Variants in TRANK1 observed in about 807,000 individuals in gnomAD.
TRANK1 encodes the protein tetratricopeptide repeat and ankyrin repeat containing 1, also known as TPR and ankyrin repeat-containing protein 1.
TRANK1 carries 198 observed loss-of-function variants against 266.0 expected under a neutral mutation model. The observed-to-expected ratio is 0.74, with a 90% CI of 0.66 to 0.84. The LOEUF (loss-of-function observed/expected upper bound fraction) is 0.84, where lower values mean the gene tolerates loss of function less well. TRANK1 is among the 40% of genes least tolerant of loss of function. The pLI is 0.00. For synonymous variants in TRANK1, 1,396 were observed against 1,384.1 expected (o/e 1.01, Z -0.19); for missense variants, 3,326 against 3,634.6 (o/e 0.92, Z 2.18).
chr3:36,864,463 C>T lies in TRANK1; in HGVS notation c.1096G>A (p.Gly366Arg). Residue 366 changes from glycine to arginine, a missense_variant, in exon 10 of 24, where the codon GGA becomes AGA. Gly to Arg is a moderately radical substitution (Grantham distance 125). Transcript: ENST00000645898. ...AAAATGTCGTTTTCACTAGTGGGTC[C>T]ATCACCATTGCTGAATCCTACAAAA... ...KDLSGFSNGD[G>R]PTSENDIFRK... The T allele has an allele frequency of 6.5e-7, 1 of 1,533,894 alleles. No individual in the cohort carries two copies. The highest frequency in any genetic ancestry group is 1.2e-5 in the South Asian group (1 of 83,152).
chr3:36,924,285 T>C (rs921173933), intron 1 of TRANK1, among the ~76,000 whole-genome samples: 36 of 152,232 alleles, frequency 2.4e-4, no homozygotes, highest in Admixed American at 2.3e-3. Flanking sequence ...GAACACCCCT[T>C]TGGAAAGTGC....
chr3:36,856,512 C>T lies in TRANK1; in HGVS notation c.3210G>A (p.Glu1070=). 6.2e-7 allele frequency: 1 copy of T among 1,614,010 alleles called. No homozygotes were observed. The highest frequency in any genetic ancestry group is 8.5e-7 in the Non-Finnish European group (1 of 1,179,892). ...AVIDLNPRPL[E]PIILIGRSGT... Reference sequence around the variant, plus strand: ...CACTTCGCCCAATAAGGATGATGGGCTCCAGTGGCCTGGGATTGAGGTCGA... The same window carrying T: ...CACTTCGCCCAATAAGGATGATGGGTTCCAGTGGCCTGGGATTGAGGTCGA... The change falls in exon 13 of 24, where the codon GAG becomes GAA. Residue 1070 remains glutamate (E), a synonymous_variant. Coordinates refer to ENST00000645898, the MANE Select transcript of TRANK1 (RefSeq NM_001329998.2).
intron 1 of TRANK1, among the ~76,000 whole-genome samples, chr3:36,940,467 T>C (rs1228557668): frequency 6.7e-6 from 1 of 149,978 alleles, no homozygotes; most frequent in Admixed American, 6.7e-5. Flanking sequence ...GCCACTGCAC[T>C]CCAGCCTGGG....
chr3:36,919,150 A>G (rs1042498689), intron 1 of TRANK1, among the ~76,000 whole-genome samples: 1 of 152,156 alleles, frequency 6.6e-6, no homozygotes, highest in Non-Finnish European at 1.5e-5. Context: ...TTTTTTTAAC[A>G]TTTTTATTGA....
chr3:36,943,915 T>A (rs1198095734), intron 1 of TRANK1, among the ~76,000 whole-genome samples: 1 of 151,882 alleles, frequency 6.6e-6, no homozygotes. Flanking sequence ...ATTGCACACT[T>A]CCATAAAAAT....
chr3:36,887,557 GGCCC>G, intron 8 of TRANK1, among the ~76,000 whole-genome samples: 2 of 152,260 alleles, frequency 1.3e-5, no homozygotes, highest in African/African-American at 4.8e-5. Context: ...TCCAACCCAT[GGCCC>G]ACACAAATTC....
chr3:36,924,191 T>C (rs1313083946), intron 1 of TRANK1, among the ~76,000 whole-genome samples: 1 of 152,186 alleles, frequency 6.6e-6, no homozygotes, highest in African/African-American at 2.4e-5. Flanking sequence ...TCCTCGTACC[T>C]GGGCTGATCA....
chr3:36,873,843 G>C (rs1025087332), intron 9 of TRANK1, among the ~76,000 whole-genome samples: 2 of 142,612 alleles, frequency 1.4e-5, no homozygotes, highest in East Asian at 2.3e-4. Context: ...TTTTTTTGCT[G>C]TGTACATGCA....
rs140991089 is a variant in TRANK1 at position 36,896,494 on chromosome 3, G to A, written c.434-736C>T. Among the ~76,000 whole-genome samples, 33 of 152,330 alleles carry A rather than the reference G, an allele frequency of 2.2e-4. No individual in the cohort carries two copies. In the East Asian group the frequency reaches 6.2e-3, roughly 28 times the overall value. On this transcript the variant is annotated intron_variant, in intron 4 of 23. Transcript: ENST00000645898. Reference sequence around the variant, plus strand: ...ATATGTTTTTCAAAATTTAGAAACTGGGCGACGCCAATTTCTTTACCTTCC... The same window carrying A: ...ATATGTTTTTCAAAATTTAGAAACTAGGCGACGCCAATTTCTTTACCTTCC...
rs2079186415 is a variant in TRANK1, at chr3:36,864,470, A to G, written c.1089T>C (p.Asn363=). ...CGTTTTCACTAGTGGGTCCATCACC[A>G]TTGCTGAATCCTACAAAACAGCACC... ...TCSKDLSGFS[N]GDGPTSENDI... is the part of the protein sequence containing the mutation. Residue 363 remains asparagine, a synonymous_variant, in exon 10 of 24, where the codon AAT becomes AAC. Coordinates refer to ENST00000645898, the MANE Select transcript of TRANK1 (RefSeq NM_001329998.2). The G allele has an allele frequency of 2.0e-6, 3 of 1,528,722 alleles. No homozygotes were observed. The highest frequency in any genetic ancestry group is 2.1e-5 in the Admixed American group (1 of 48,350). 94.7% of individuals were successfully genotyped at this position (1,528,722 alleles called of 1,614,324 possible).
At chr3:36,838,746 C>T (rs2078804187) in intron 18 of TRANK1, 30 bp from the exon 19 acceptor site, 1 of 1,595,672 alleles carries the variant, frequency 6.3e-7, no homozygotes, top group Non-Finnish European at 8.6e-7. Flanking sequence ...TTATTCCCAG[C>T]AAGGTAATGG....
chr3:36,889,840 T>C lies in TRANK1; in HGVS notation c.896A>G (p.Tyr299Cys), dbSNP rs2079661216. The change falls in exon 8 of 24, where the codon TAC (tyrosine) becomes TGC (cysteine). Residue 299 changes from tyrosine to cysteine, a missense_variant. Tyr to Cys is a radical substitution (Grantham distance 194, BLOSUM62 -2). Transcript: ENST00000645898. ...LHVVAAHSPGYLVKRQTEDVQ... is the reference protein window; with the variant it reads ...LHVVAAHSPGCLVKRQTEDVQ... Reference sequence around the variant, plus strand: ...ATGCCACTACTCACGCTTAACGAGGTATCCTGGGGAGTGGGCAGCGACGAC... The same window carrying C: ...ATGCCACTACTCACGCTTAACGAGGCATCCTGGGGAGTGGGCAGCGACGAC... The C allele has an allele frequency of 1.3e-6, 2 of 1,536,118 alleles. No individual in the cohort carries two copies. Among genetic ancestry groups the C allele is most frequent in the Non-Finnish European group, 1.7e-6 (2 of 1,146,536 alleles).
intron 11 of TRANK1, among the ~76,000 whole-genome samples, chr3:36,859,347 G>C: frequency 6.6e-6 from 1 of 150,966 alleles, no homozygotes; most frequent in Non-Finnish European, 1.5e-5. Context: ...GTATACACGT[G>C]TCATGGTGGT....
Position 36,864,423 on chromosome 3 carries a change from T to G in TRANK1, c.1136A>C (p.Glu379Ala). ...TGAGTTCATATACTTCACCAGCTGC[T>G]CCAAGACCTTCCTGAAAATGTCGTT... ...SENDIFRKVL[E>A]QLVKYMNSGN... is the part of the protein sequence containing the mutation. Residue 379 changes from glutamate (E) to alanine (A), a missense_variant, in exon 10 of 24, where the codon GAG (glutamate) becomes GCG (alanine). Transcript: ENST00000645898. The G allele has an allele frequency of 6.5e-7, 1 of 1,536,658 alleles. No homozygotes were observed. Among genetic ancestry groups the G allele is most frequent in the South Asian group, 1.2e-5 (1 of 83,922 alleles).
intron 1 of TRANK1, among the ~76,000 whole-genome samples, chr3:36,928,263 G>T (rs749321585): frequency 2.6e-5 from 4 of 152,204 alleles, no homozygotes; most frequent in Admixed American, 6.5e-5. Flanking sequence ...ATGATTTCAT[G>T]AAGCAACGTG....
In TRANK1 at chr3:36,860,954, A is replaced by T. The variant is rs1233685537; in HGVS notation, c.1447T>A (p.Trp483Arg). 6.5e-7 allele frequency: 1 copy of T among 1,537,518 alleles called. No homozygotes were observed. Among genetic ancestry groups the T allele is most frequent in the Non-Finnish European group, 8.7e-7 (1 of 1,146,996 alleles). ...AGAAGCTGTTTCTTCCGCTGGTCCCAGGTGCTGAGATGGGGGATGATGGTA... is the reference window on the plus strand; with the variant it reads ...AGAAGCTGTTTCTTCCGCTGGTCCCTGGTGCTGAGATGGGGGATGATGGTA... ...ICTIIPHLST[W>R]DQRKKQLLGC... The change falls in exon 11 of 24, where the codon TGG (tryptophan) becomes AGG (arginine). Residue 483 changes from tryptophan (W) to arginine (R), a missense_variant. Coordinates refer to ENST00000645898, the MANE Select transcript of TRANK1 (RefSeq NM_001329998.2).
chr3:36,910,549 G>A (rs955418221), intron 1 of TRANK1, among the ~76,000 whole-genome samples: 1 of 151,870 alleles, frequency 6.6e-6, no homozygotes, highest in African/African-American at 2.4e-5. Context: ...AGTCCAGCCT[G>A]GCCAACATGA....
intron 10 of TRANK1, among the ~76,000 whole-genome samples, chr3:36,863,831 G>A (rs968713446): frequency 1.3e-5 from 2 of 152,100 alleles, no homozygotes; most frequent in Non-Finnish European, 2.9e-5. Context: ...GTAAAATGGA[G>A]ACATCCCAGC....
chr3:36,922,934 C>T (rs2080236101), intron 1 of TRANK1, among the ~76,000 whole-genome samples: 1 of 152,184 alleles, frequency 6.6e-6, no homozygotes, highest in South Asian at 2.1e-4. Flanking sequence ...CGAGGGAAAG[C>T]AACAACAGAC....
Sources: gnomAD v4.1 joint callset for allele counts (sites outside exome capture counted in the v4.1 genomes callset) on GRCh38, gnomAD v4.1.1 for gene constraint, MANE v1.5 for transcripts, NCBI Gene and HGNC (gene_info 2026-07-23, HGNC 2026-07-21) for gene names.